Variants in HARS1 observed in about 807,000 individuals in gnomAD.
HARS1 encodes the protein histidine--tRNA ligase, cytoplasmic.
Under a neutral mutation model 63.6 loss-of-function variants are expected in HARS1, and 45 were observed. The ratio of observed to expected loss-of-function variants is 0.71; its 90% CI spans 0.56 to 0.91. The LOEUF is 0.91. HARS1 is among the 40% of genes least tolerant of loss of function. HARS1 has a pLI of 0.00. For missense variants in HARS1, 508 were observed against 643.2 expected, an observed-to-expected ratio of 0.79 and a Z score of 2.27; for synonymous variants, 205 against 247.1, an observed-to-expected ratio of 0.83 and a Z score of 1.60.
At chr5:140,691,187 G>A in intron 1 of HARS1, 28 bp downstream of exon 1, 1 of 1,524,436 alleles carries the variant, frequency 6.6e-7, no homozygotes, top group Non-Finnish European at 9.0e-7. Flanking sequence ...CTTTGCCTTG[G>A]CCCTCTCCCC....
chr5:140,677,500 G>T, intron 7 of HARS1, 80 bp from the exon 8 acceptor site: 1 of 1,221,024 alleles, frequency 8.2e-7, no homozygotes, highest in Non-Finnish European at 1.2e-6. Flanking sequence ...TCGGGGAACC[G>T]TTTTAGAGCA....
chr5:140,689,733 A>C (rs907850425), intron 2 of HARS1, among the ~76,000 whole-genome samples: 9 of 152,220 alleles, frequency 5.9e-5, no homozygotes, highest in Non-Finnish European at 7.3e-5. Context: ...TCTCAGGGTA[A>C]ATAAACGACA....
rs1758602518 is a variant in HARS1, at chr5:140,679,693, T to A, written c.396+95A>T. On this transcript the variant is annotated intron_variant, in intron 4 of 12. Transcript: ENST00000504156. The surrounding 1 kb of genome is among the most constrained non-coding windows in gnomAD (Gnocchi z 4.3). Reference sequence around the variant, plus strand: ...ATAATTCCCCTAATCGCCAAAGGCCTCATATTTGATCCTACCTACTCTACC... The same window carrying A: ...ATAATTCCCCTAATCGCCAAAGGCCACATATTTGATCCTACCTACTCTACC... 1 of 630,190 alleles carries A rather than the reference T, an allele frequency of 1.6e-6. No homozygotes were observed. Among genetic ancestry groups the A allele is most frequent in the Non-Finnish European group, 2.8e-6 (1 of 351,034 alleles). 39.0% of individuals were successfully genotyped at this position (630,190 alleles called of 1,614,324 possible). A position where few individuals can be genotyped will look rare whatever the true frequency, so the allele number is the denominator to read the frequency against.
chr5:140,690,745 C>T lies in HARS1; in HGVS notation c.180+110G>A, dbSNP rs1265958600. Reference sequence around the variant, plus strand: ...GCGCCCAGAGCGACTGTCCTCTCCTCTGCAGCATTTCAGATCCTCCTCAAT... The same window carrying T: ...GCGCCCAGAGCGACTGTCCTCTCCTTTGCAGCATTTCAGATCCTCCTCAAT... On this transcript the variant is annotated intron_variant, in intron 2 of 12. Transcript: ENST00000504156. 4.0e-6 allele frequency: 3 copies of T among 749,972 alleles called. No homozygotes were observed. In the African/African-American group the frequency reaches 5.1e-5, roughly 13 times the overall value. The allele number at this position is 749,972 out of a possible 1,614,324, so 46.5% of individuals were successfully genotyped here. A position where few individuals can be genotyped will look rare whatever the true frequency, so the allele number is the denominator to read the frequency against.
intron 2 of HARS1, among the ~76,000 whole-genome samples, chr5:140,688,426 C>T (rs956682861): frequency 1.3e-5 from 2 of 152,196 alleles, no homozygotes; most frequent in Non-Finnish European, 2.9e-5. Context: ...TCCCAGACGT[C>T]ATATCATTTC....
At chr5:140,691,024 C>T (rs1352166117) in intron 1 of HARS1, 80 bp from the exon 2 acceptor site, 1 of 986,958 alleles carries the variant, frequency 1.0e-6, no homozygotes, top group African/African-American at 1.6e-5. Context: ...ATTCCTCCCT[C>T]ATCACATCTC....
At chr5:140,677,477 G>A in intron 7 of HARS1, 57 bp from the exon 8 acceptor site, 1 of 1,343,178 alleles carries the variant, frequency 7.4e-7, no homozygotes, top group Non-Finnish European at 1.1e-6. Context: ...CACAGAGCAA[G>A]TGTGTACTGT....
chr5:140,686,005 C>G (rs1322008104), intron 2 of HARS1, among the ~76,000 whole-genome samples: 2 of 149,954 alleles, frequency 1.3e-5, no homozygotes, highest in African/African-American at 2.5e-5. Context: ...TCTCGGCTCA[C>G]TGCAACCTCC....
chr5:140,681,889 AAC>A (rs1758751609), intron 3 of HARS1, among the ~76,000 whole-genome samples: 1 of 152,242 alleles, frequency 6.6e-6, no homozygotes, highest in African/African-American at 2.4e-5. Context: ...AGTAGGTAAA[AAC>A]AGTCTCATAA....
rs942171895 is a variant in HARS1, at chr5:140,674,952, G to A, written c.1311+65C>T. 2.7e-6 allele frequency: 4 copies of A among 1,476,532 alleles called. No individual in the cohort carries two copies. In the East Asian group the frequency reaches 6.8e-5, roughly 25 times the overall value. 91.5% of individuals were successfully genotyped at this position (1,476,532 alleles called of 1,614,324 possible). On this transcript the variant is annotated intron_variant, in intron 11 of 12. Coordinates refer to ENST00000504156, the MANE Select transcript of HARS1 (RefSeq NM_002109.6). ...TAATGGCAGGATCCATTATGGGTGA[G>A]CTTTTATTCAGTTTGTGTCCAGCAC...
In HARS1 at chr5:140,677,215, G is replaced by T. The variant is rs986269216; in HGVS notation, c.824-99C>A. The T allele has an allele frequency of 3.6e-6, 5 of 1,382,778 alleles. No individual in the cohort carries two copies. The Admixed American group carries it at 8.4e-5, about 23-fold the overall frequency. The allele number at this position is 1,382,778 out of a possible 1,614,324, so 85.7% of individuals were successfully genotyped here. ...ACTCTAGTCGCCCATGCATGTGTGTGTACATATGCATAGACACACTCACTC... is the reference window on the plus strand; with the variant it reads ...ACTCTAGTCGCCCATGCATGTGTGTTTACATATGCATAGACACACTCACTC... On this transcript the variant is annotated intron_variant, in intron 8 of 12. Transcript: ENST00000504156.
At chr5:140,688,477 C>T (rs1441851393) in intron 2 of HARS1, among the ~76,000 whole-genome samples, 2 of 152,178 alleles carry the variant, frequency 1.3e-5, no homozygotes, top group Admixed American at 6.5e-5. Context: ...CTCATACGGA[C>T]ATTTAAAAAA....
Position 140,678,039 on chromosome 5 carries a change from G to C in HARS1, c.523-24C>G, listed in dbSNP as rs369952694. 1.8e-5 allele frequency: 24 copies of C among 1,310,438 alleles called. No individual in the cohort carries two copies. In the African/African-American group the frequency reaches 3.2e-4, roughly 17 times the overall value. 81.2% of individuals were successfully genotyped at this position (1,310,438 alleles called of 1,614,324 possible). A position where few individuals can be genotyped will look rare whatever the true frequency, so the allele number is the denominator to read the frequency against. ...TCCTGCAGGGAGAGGGTTAGCCAGC[G>C]GTCTTCAGGGATTCACCTTTCTGAA... is the stretch of plus-strand genomic sequence containing the variant. On this transcript the variant is annotated intron_variant, in intron 5 of 12. Coordinates refer to ENST00000504156, the MANE Select transcript of HARS1 (RefSeq NM_002109.6).
At chr5:140,682,772 G>A (rs1758799342) in intron 3 of HARS1, 1 of 201,096 alleles carries the variant, frequency 5.0e-6, no homozygotes, top group Non-Finnish European at 1.0e-5. Context: ...CAATAGGAGA[G>A]TGGTTGCATA....
At position 140,679,090 on chromosome 5, in the gene HARS1, G is replaced by A; in HGVS notation, c.434C>T (p.Thr145Ile). The A allele has an allele frequency of 6.2e-7, 1 of 1,614,000 alleles. No homozygotes were observed. Among genetic ancestry groups the A allele is most frequent in the Non-Finnish European group, 8.5e-7 (1 of 1,179,868 alleles). Residue 145 changes from threonine to isoleucine, a missense_variant, in exon 5 of 13, where the codon ACC becomes ATC. Physicochemically the swap from Thr to Ile is moderately conservative, Grantham distance 89 (BLOSUM62 -1). Around this residue, in one of 2 missense-constraint regions of HARS1, gnomAD observed 403 missense variants for 548.7 expected, o/e 0.73. Transcript: ENST00000504156. This position sits in a 1 kb window ranked among gnomAD's most constrained non-coding sequence, Gnocchi z 4.3. ...TGCTATGTGGTAGCGTTTAATGTTG[G>A]TCAGTTTATTCATTGCCAAATACCG... ...FARYLAMNKL[T>I]NIKRYHIAKV...
chr5:140,677,179 T>C (rs975479806), intron 8 of HARS1, 63 bp from the exon 9 acceptor site: 1 of 1,586,640 alleles, frequency 6.3e-7, no homozygotes, highest in African/African-American at 1.3e-5. Flanking sequence ...AGGGTTGACC[T>C]TCTTGCCTGG....
At chr5:140,677,541 T>C in intron 7 of HARS1, 114 bp downstream of exon 7, 13 of 1,058,326 alleles carry the variant, frequency 1.2e-5, no homozygotes, top group Non-Finnish European at 1.9e-5. Flanking sequence ...ATCCTGGGGC[T>C]AACCTTCCTC....
intron 5 of HARS1, 192 bp downstream of exon 5, chr5:140,678,810 C>T: frequency 1.9e-6 from 1 of 532,088 alleles, no homozygotes; most frequent in South Asian, 2.3e-5. Flanking sequence ...CACCACTGCA[C>T]TCCAGCTTGG....
At chr5:140,685,619 G>A (rs995316989) in intron 2 of HARS1, among the ~76,000 whole-genome samples, 2 of 151,564 alleles carry the variant, frequency 1.3e-5, no homozygotes, top group African/African-American at 4.8e-5. Flanking sequence ...TACCTGGGAC[G>A]CTGAGGCAGG....
Sources: gnomAD v4.1 joint callset for allele counts (sites outside exome capture counted in the v4.1 genomes callset) on GRCh38, gnomAD v4.1.1 for gene constraint, gnomAD v4.1.1 regional missense constraint, Gnocchi (gnomAD v3.1) non-coding constraint, MANE v1.5 for transcripts, NCBI Gene and HGNC (gene_info 2026-07-23, HGNC 2026-07-21) for gene names.